Variants in PIGA observed in about 807,000 individuals in gnomAD.
The protein encoded by PIGA is phosphatidylinositol glycan anchor biosynthesis class A.
Under a neutral mutation model 17.1 loss-of-function variants are expected in PIGA, and 3 were observed. The ratio of observed to expected loss-of-function variants is 0.18; its 90% CI spans 0.08 to 0.45. PIGA has a LOEUF of 0.45. PIGA is among the 20% of genes least tolerant of loss of function. PIGA has a pLI of 0.99. For synonymous variants in PIGA, 126 were observed against 135.1 expected, an observed-to-expected ratio of 0.93 and a Z score of 0.47; for missense variants, 231 against 374.1, an observed-to-expected ratio of 0.62 and a Z score of 3.16.
At position 15,324,718 on chromosome X, in the gene PIGA, T is replaced by C; in HGVS notation, c.1135A>G (p.Asn379Asp). 8.3e-7 allele frequency: 1 copy of C among 1,209,334 alleles called. No individual in the cohort carries two copies. Among genetic ancestry groups the C allele is most frequent in the Non-Finnish European group, 1.1e-6 (1 of 893,155 alleles). ...GTLPAPENIH[N>D]IVKTFYTWRN... ...CAGGTGTAGAAAGTCTTTACTATGTTATGGATGTTTTCTGGAGCTGGCAAT... is the reference window on the plus strand; with the variant it reads ...CAGGTGTAGAAAGTCTTTACTATGTCATGGATGTTTTCTGGAGCTGGCAAT... Residue 379 changes from asparagine to aspartate, a missense_variant, in exon 5 of 6, where the codon AAC becomes GAC. Coordinates refer to ENST00000333590, the MANE Select transcript of PIGA (RefSeq NM_002641.4).
At chrX:15,326,362 A>G (rs1921972976) in intron 2 of PIGA, 1 of 121,622 alleles carries the variant, frequency 8.2e-6, no homozygotes, top group African/African-American at 3.2e-5. Flanking sequence ...CTTCTAAAAA[A>G]GGTATATTTA....
At chrX:15,322,744 A>G (rs770835465) in intron 5 of PIGA, among the ~76,000 whole-genome samples, 5 of 112,001 alleles carry the variant, frequency 4.5e-5, no homozygotes, top group Non-Finnish European at 7.5e-5. Flanking sequence ...CTGAATACAA[A>G]CATTTTAATC....
intron 5 of PIGA, among the ~76,000 whole-genome samples, chrX:15,322,915 GTAACTACAAACTGACTTT>G (rs1921859828): frequency 8.9e-6 from 1 of 112,042 alleles, no homozygotes; most frequent in Admixed American, 9.5e-5. Flanking sequence ...GGTTAAAAGA[GTAACTACAAACTGACTTT>G]TTTGTCCAGC....
chrX:15,329,659 T>C (rs1295721873), intron 2 of PIGA, among the ~76,000 whole-genome samples: 3 of 111,658 alleles, frequency 2.7e-5, no homozygotes, highest in Non-Finnish European at 3.8e-5. Flanking sequence ...ATGACACTTT[T>C]GATTAGTGGA....
intron 3 of PIGA, 65 bp downstream of exon 3, chrX:15,325,849 C>T (rs771904881): frequency 3.3e-6 from 3 of 908,376 alleles, no homozygotes; most frequent in African/African-American, 3.9e-5. Context: ...GGTACGCATG[C>T]AGTTAAAACC....
chrX:15,326,042 G>A lies in PIGA; in HGVS notation c.720C>T (p.Ile240=). ...CAGGTATTATACCACTAAGCAAATC[G>A]ATCCCTGAAAATATAAAGTTGAATG... The part of the protein sequence containing the change: ...VVSRLVYRKG[I]DLLSGIIPEL... The change falls in exon 3 of 6, where the codon ATC becomes ATT. Residue 240 remains isoleucine, a synonymous_variant. Coordinates refer to ENST00000333590, the MANE Select transcript of PIGA (RefSeq NM_002641.4). 2.7e-6 allele frequency: 3 copies of A among 1,123,729 alleles called. No homozygotes were observed. Among genetic ancestry groups the A allele is most frequent in the Admixed American group, 2.5e-5 (1 of 40,259 alleles). 92.6% of individuals were successfully genotyped at this position (1,123,729 alleles called of 1,213,427 possible). A position where few individuals can be genotyped will look rare whatever the true frequency, so the allele number is the denominator to read the frequency against.
intron 1 of PIGA, among the ~76,000 whole-genome samples, chrX:15,334,642 A>C (rs1343494300): frequency 8.9e-6 from 1 of 112,002 alleles, no homozygotes; most frequent in East Asian, 2.8e-4. Flanking sequence ...GGTCACCTAA[A>C]CCCGAACTTC....
rs773967133 is a variant in PIGA, at chrX:15,321,488, T to TA, written c.*17dup. The TA allele has an allele frequency of 1.5e-5, 18 of 1,175,323 alleles. No individual in the cohort carries two copies. Among genetic ancestry groups the TA allele is most frequent in the Non-Finnish European group, 2.1e-5 (18 of 864,766 alleles). Reference sequence around the variant, plus strand: ...GAACTATTACAAATGTTTAAAATCTTACAATCTAGGCTTCCTTCTACCTGG... The same window carrying TA: ...GAACTATTACAAATGTTTAAAATCTTAACAATCTAGGCTTCCTTCTACCTGG... On this transcript the variant is annotated 3_prime_UTR_variant, in exon 6 of 6. Coordinates refer to ENST00000333590, the MANE Select transcript of PIGA (RefSeq NM_002641.4).
At chrX:15,328,722 T>C (rs955083765) in intron 2 of PIGA, 1 of 111,890 alleles carries the variant, frequency 8.9e-6, no homozygotes, top group Non-Finnish European at 1.9e-5. Flanking sequence ...CATCACTCCA[T>C]TGGTGGTTAG....
At chrX:15,327,783 A>T (rs1339309124) in intron 2 of PIGA, 1 of 112,276 alleles carries the variant, frequency 8.9e-6, no homozygotes, top group Non-Finnish European at 1.9e-5. Context: ...AATAGTCATA[A>T]ATGATAATAG....
At chrX:15,334,953 G>T (rs1455275772) in intron 1 of PIGA, among the ~76,000 whole-genome samples, 2 of 112,112 alleles carry the variant, frequency 1.8e-5, no homozygotes, top group Non-Finnish European at 3.8e-5. Context: ...ACTTAAAGTG[G>T]CAAAGACATT....
At chrX:15,335,150 G>A (rs965531835) in intron 1 of PIGA, among the ~76,000 whole-genome samples, 3 of 112,311 alleles carry the variant, frequency 2.7e-5, no homozygotes, top group African/African-American at 9.7e-5. Flanking sequence ...AAACGCTCGG[G>A]CCAAGGAGGG....
In PIGA at chrX:15,331,261, C is replaced by T; in HGVS notation, c.670G>A (p.Asp224Asn). Residue 224 changes from aspartate to asparagine, a missense_variant, in exon 2 of 6, where the codon GAT (aspartate) becomes AAT (asparagine). This residue lies in a region of PIGA where 83 missense variants were observed against 190.1 expected (regional missense o/e 0.44). Transcript: ENST00000333590. The part of the protein sequence containing the change: ...DFTPDPFRRH[D>N]SITIVVVSRL... ...CTGACAACAACAATAGTTATACTAT[C>T]ATGCCTTCTAAATGGGTCTGGAGTG... The T allele has an allele frequency of 1.7e-6, 2 of 1,205,994 alleles. No individual in the cohort carries two copies. Among genetic ancestry groups the T allele is most frequent in the Non-Finnish European group, 2.2e-6 (2 of 890,285 alleles).
chrX:15,326,089 C>G, intron 2 of PIGA, 43 bp from the exon 3 acceptor site: 1 of 959,290 alleles, frequency 1.0e-6, no homozygotes, highest in Non-Finnish European at 1.4e-6. Flanking sequence ...AATATTTAAA[C>G]TTAAAAAAAT....
Position 15,335,509 on chromosome X carries a change from T to A in PIGA, c.-71A>T. 1 of 977,092 alleles carries A rather than the reference T, an allele frequency of 1.0e-6. No homozygotes were observed. Among genetic ancestry groups the A allele is most frequent in the Non-Finnish European group, 1.3e-6 (1 of 776,677 alleles). 80.5% of individuals were successfully genotyped at this position (977,092 alleles called of 1,213,427 possible). On this transcript the variant is annotated 5_prime_UTR_variant, in exon 1 of 6. Transcript: ENST00000333590. The stretch of plus-strand genomic sequence containing the variant: ...GCGCGACGCGCACTCACCGGTGAGT[T>A]CCATGGCCGCCAGTGTCCGGACCTC...
Position 15,331,243 on chromosome X carries a change from C to T in PIGA, c.688G>A (p.Val230Ile). 1 of 1,200,900 alleles carries T rather than the reference C, an allele frequency of 8.3e-7. No homozygotes were observed. Among genetic ancestry groups the T allele is most frequent in the Non-Finnish European group, 1.1e-6 (1 of 886,763 alleles). ...FRRHDSITIVVVSRLVYRKGI... is the reference protein window; with the variant it reads ...FRRHDSITIVIVSRLVYRKGI... ...TTTCTGTAAACAAGTCTGCTGACAA[C>T]AACAATAGTTATACTATCATGCCTT... is the stretch of plus-strand genomic sequence containing the variant. Residue 230 changes from valine (V) to isoleucine (I), a missense_variant, in exon 2 of 6, where the codon GTT becomes ATT. Val to Ile is a conservative substitution (Grantham distance 29). Around this residue, in one of 5 missense-constraint regions of PIGA, gnomAD observed 83 missense variants for 190.1 expected, o/e 0.44. Coordinates refer to ENST00000333590, the MANE Select transcript of PIGA (RefSeq NM_002641.4).
At chrX:15,328,969 A>G (rs917883170) in intron 2 of PIGA, 3 of 112,652 alleles carry the variant, frequency 2.7e-5, no homozygotes, top group Admixed American at 1.9e-4. Flanking sequence ...GTCGGTTCAC[A>G]TGTTCCTGAT....
chrX:15,335,453 C>T, intron 1 of PIGA, 48 bp downstream of exon 1: 2 of 988,659 alleles, frequency 2.0e-6, no homozygotes, highest in Non-Finnish European at 2.6e-6. Context: ...CAGCCCCATC[C>T]GAAAGCGGCC....
chrX:15,324,639 C>T (rs1369404832), intron 5 of PIGA, 26 bp downstream of exon 5: 1 of 1,095,120 alleles, frequency 9.1e-7, no homozygotes, highest in Admixed American at 2.2e-5. Flanking sequence ...AGTTCAGACA[C>T]AATCTTTTCT....
Sources: allele counts gnomAD v4.1 joint callset (sites outside exome capture counted in the v4.1 genomes callset), GRCh38; gene constraint gnomAD v4.1.1; regional missense constraint gnomAD v4.1.1; transcripts MANE v1.5; gene names NCBI Gene and HGNC (gene_info 2026-07-23, HGNC 2026-07-21).